CWH43: variants seen among roughly 807,000 people sequenced by gnomAD.
CWH43 encodes cell wall biogenesis 43 C-terminal homolog, also known as PGAP2-interacting protein.
In CWH43, 91 loss-of-function variants were observed where a neutral mutation model predicts 85.7. The ratio of observed to expected loss-of-function variants is 1.06; its 90% CI spans 0.90 to 1.26. CWH43 has a LOEUF of 1.26. CWH43 is among the 50% of genes most tolerant of loss of function. The pLI is 0.00. For missense variants in CWH43, 869 were observed against 839.2 expected, an observed-to-expected ratio of 1.04 and a Z score of -0.44; for synonymous variants, 323 against 293.6, an observed-to-expected ratio of 1.10 and a Z score of -1.02.
At position 48,992,226 on chromosome 4, in the gene CWH43, A is replaced by G; in HGVS notation, c.511+136A>G. On this transcript the variant is annotated intron_variant, in intron 4 of 15. Coordinates refer to ENST00000226432, the MANE Select transcript of CWH43 (RefSeq NM_025087.3). The surrounding 1 kb of genome is among the most constrained non-coding windows in gnomAD (Gnocchi z 4.3). ...TATTTCAGCTTTTTCTTCCTCTGAA[A>G]TAATAATTGGTGCAGCCAGTGGGCT... is the stretch of plus-strand genomic sequence containing the variant. 5.2e-6 allele frequency: 4 copies of G among 774,894 alleles called. No homozygotes were observed. Among genetic ancestry groups the G allele is most frequent in the Non-Finnish European group, 8.1e-6 (4 of 495,386 alleles). 48.0% of individuals were successfully genotyped at this position (774,894 alleles called of 1,614,324 possible). A position where few individuals can be genotyped will look rare whatever the true frequency, so the allele number is the denominator to read the frequency against.
intron 9 of CWH43, among the ~76,000 whole-genome samples, chr4:49,019,545 A>T (rs758994670): frequency 2.0e-5 from 3 of 151,436 alleles, no homozygotes; most frequent in Non-Finnish European, 4.4e-5. Flanking sequence ...ATTTATTTTC[A>T]TTTTATTATT....
intron 9 of CWH43, among the ~76,000 whole-genome samples, chr4:49,022,943 C>T (rs1032966855): frequency 6.6e-6 from 1 of 152,088 alleles, no homozygotes; most frequent in African/African-American, 2.4e-5. Flanking sequence ...GGTTATCTCA[C>T]TAATAGTCTA....
intron 15 of CWH43, among the ~76,000 whole-genome samples, chr4:49,060,054 C>T (rs1383080021): frequency 6.6e-6 from 1 of 152,060 alleles, no homozygotes; most frequent in Non-Finnish European, 1.5e-5. Context: ...ATTCTGTTAC[C>T]TGGGCTGCAG....
At chr4:49,028,453 T>C (rs1482695182) in intron 9 of CWH43, among the ~76,000 whole-genome samples, 176 bp from the exon 10 acceptor site, 1 of 152,204 alleles carries the variant, frequency 6.6e-6, no homozygotes. Flanking sequence ...GAAGACTAAT[T>C]TGAGAATGCC....
chr4:48,994,725 G>T lies in CWH43; in HGVS notation c.618G>T (p.Val206=). 1 of 1,614,208 alleles carries T rather than the reference G, an allele frequency of 6.2e-7. No individual in the cohort carries two copies. Among genetic ancestry groups the T allele is most frequent in the Non-Finnish European group, 8.5e-7 (1 of 1,180,048 alleles). Residue 206 remains valine (V), a synonymous_variant, in exon 5 of 16, where the codon GTG becomes GTT. Transcript: ENST00000226432. ...LLAGAAFGSL[V]FLTHWVFGEV... ...CAGGGGCTGCTTTTGGTAGCCTTGT[G>T]TTCCTCACCCACTGGGTTTTTGGAG... is the stretch of plus-strand genomic sequence containing the variant.
intron 12 of CWH43, among the ~76,000 whole-genome samples, chr4:49,037,335 C>A (rs1379389591): frequency 1.3e-5 from 2 of 152,172 alleles, no homozygotes; most frequent in Admixed American, 6.6e-5. Context: ...CTTTGGGAAA[C>A]AAGGTGGGTG....
chr4:49,048,959 G>A (rs1784713334), intron 14 of CWH43, among the ~76,000 whole-genome samples: 2 of 152,108 alleles, frequency 1.3e-5, no homozygotes, highest in Admixed American at 1.3e-4. Context: ...TAGGTATTAG[G>A]TGCTTAATAA....
intron 15 of CWH43, among the ~76,000 whole-genome samples, chr4:49,057,206 G>A (rs1577718459): frequency 6.6e-6 from 1 of 152,190 alleles, no homozygotes; most frequent in African/African-American, 2.4e-5. Context: ...GACGACATGT[G>A]CCTAAGGTGG....
intron 5 of CWH43, among the ~76,000 whole-genome samples, chr4:48,996,152 T>G (rs1782805587): frequency 6.6e-6 from 1 of 152,330 alleles, no homozygotes; most frequent in Non-Finnish European, 1.5e-5. Context: ...TCTGCCTTGA[T>G]GTCCTGGCAA....
chr4:49,054,503 CT>C (rs1321016455), intron 15 of CWH43, among the ~76,000 whole-genome samples: 3 of 151,960 alleles, frequency 2.0e-5, no homozygotes, highest in African/African-American at 7.2e-5. Context: ...GTTTTGTGGT[CT>C]TATACAAATT....
intron 15 of CWH43, among the ~76,000 whole-genome samples, chr4:49,059,235 T>G (rs1366060319): frequency 6.6e-6 from 1 of 152,174 alleles, no homozygotes; most frequent in East Asian, 1.9e-4. Flanking sequence ...GAGTCTGCTG[T>G]TGAATCTCTT....
At chr4:49,032,324 T>G (rs1408868460) in intron 11 of CWH43, among the ~76,000 whole-genome samples, 4 of 152,236 alleles carry the variant, frequency 2.6e-5, no homozygotes, top group African/African-American at 9.6e-5. Flanking sequence ...CCTTTTCATG[T>G]GTCCATAGCA....
intron 6 of CWH43, among the ~76,000 whole-genome samples, chr4:49,001,965 AT>A (rs1783007019): frequency 6.6e-6 from 1 of 152,150 alleles, no homozygotes; most frequent in Non-Finnish European, 1.5e-5. Flanking sequence ...GATTTTTGGT[AT>A]TATTACATAT....
At chr4:49,030,770 G>T (rs1784069209) in intron 10 of CWH43, 55 bp from the exon 11 acceptor site, 7 of 1,467,046 alleles carry the variant, frequency 4.8e-6, no homozygotes, top group Middle Eastern at 1.8e-4. Context: ...GTTGCTAATT[G>T]TTTTTTGCCT....
At chr4:49,004,368 T>C (rs184249409) in intron 7 of CWH43, among the ~76,000 whole-genome samples, 1 of 152,302 alleles carries the variant, frequency 6.6e-6, no homozygotes, top group Non-Finnish European at 1.5e-5. Flanking sequence ...TAAATATACA[T>C]GGGGATTGTG....
chr4:49,045,909 T>C (rs1316849848), intron 14 of CWH43, among the ~76,000 whole-genome samples: 4 of 152,086 alleles, frequency 2.6e-5, no homozygotes, highest in African/African-American at 7.2e-5. Flanking sequence ...ATTTGAAATA[T>C]ATAGTACATT....
intron 14 of CWH43, among the ~76,000 whole-genome samples, chr4:49,047,242 C>G (rs1320288621): frequency 1.3e-5 from 2 of 152,152 alleles, no homozygotes; most frequent in African/African-American, 4.8e-5. Context: ...CCAGTGAAAG[C>G]AAATTGTTAG....
rs192457058 is a variant in CWH43, at chr4:49,017,806, G to A, written c.1266+478G>A. Among the ~76,000 whole-genome samples, 6 of 152,008 alleles carry A rather than the reference G, an allele frequency of 3.9e-5. No individual in the cohort carries two copies. In the East Asian group the frequency reaches 1.2e-3, roughly 29 times the overall value. Reference sequence around the variant, plus strand: ...CTAGTTATCTTATGTGGTGGAGCAGGAACAAGAGAGAGAGGGAGTAGGTGC... The same window carrying A: ...CTAGTTATCTTATGTGGTGGAGCAGAAACAAGAGAGAGAGGGAGTAGGTGC... On this transcript the variant is annotated intron_variant, in intron 9 of 15. Coordinates refer to ENST00000226432, the MANE Select transcript of CWH43 (RefSeq NM_025087.3).
In CWH43 at chr4:48,991,922, T is replaced by C; in HGVS notation, c.357-14T>C. On this transcript the variant is annotated splice_polypyrimidine_tract_variant and intron_variant, in intron 3 of 15. Coordinates refer to ENST00000226432, the MANE Select transcript of CWH43 (RefSeq NM_025087.3). Reference sequence around the variant, plus strand: ...CCACATAAAAAGTGTTTAAAAATACTTTTGCACTTACAGGTACCTCAGAAT... The same window carrying C: ...CCACATAAAAAGTGTTTAAAAATACCTTTGCACTTACAGGTACCTCAGAAT... The C allele has an allele frequency of 6.2e-7, 1 of 1,608,722 alleles. No homozygotes were observed. The highest frequency in any genetic ancestry group is 1.1e-5 in the South Asian group (1 of 90,664).
Sources: gnomAD v4.1 joint callset for allele counts (sites outside exome capture counted in the v4.1 genomes callset) on GRCh38, gnomAD v4.1.1 for gene constraint, Gnocchi (gnomAD v3.1) non-coding constraint, MANE v1.5 for transcripts, NCBI Gene and HGNC (gene_info 2026-07-23, HGNC 2026-07-21) for gene names.